SLC25A21: variants seen among roughly 807,000 people sequenced by gnomAD.
SLC25A21 encodes mitochondrial 2-oxodicarboxylate carrier.
SLC25A21 carries 47 observed loss-of-function variants against 43.8 expected under a neutral mutation model. That is an observed-to-expected ratio of 1.07 (90% CI 0.85 to 1.37). The LOEUF is 1.37. Among genes scored for constraint, SLC25A21 ranks in the 40% most tolerant of loss-of-function variants. The pLI, the probability that SLC25A21 is intolerant of heterozygous loss-of-function variation, is 0.00. For synonymous variants in SLC25A21, 131 were observed against 121.3 expected (o/e 1.08, Z -0.52); for missense variants, 352 against 350.2 (o/e 1.00, Z -0.04).
intron 1 of SLC25A21, among the ~76,000 whole-genome samples, chr14:36,896,700 T>C (rs1307133598): frequency 6.6e-6 from 1 of 152,202 alleles, no homozygotes; most frequent in East Asian, 1.9e-4. Context: ...CCATGTTTAG[T>C]ACTTCCTTCA....
chr14:37,125,578 C>A (rs1963283217), intron 1 of SLC25A21, among the ~76,000 whole-genome samples: 1 of 152,126 alleles, frequency 6.6e-6, no homozygotes, highest in South Asian at 2.1e-4. Context: ...TCTCTGACTT[C>A]CCTTGTTTTT....
At chr14:37,082,982 G>A (rs751642600) in intron 1 of SLC25A21, among the ~76,000 whole-genome samples, 6 of 152,138 alleles carry the variant, frequency 3.9e-5, no homozygotes, top group Non-Finnish European at 7.3e-5. Flanking sequence ...TAGTATTATT[G>A]TCTAAAGTTC....
Position 36,711,457 on chromosome 14 carries a change from C to G in SLC25A21, c.464G>C (p.Arg155Thr). ...AEQPSTVGYA[R>T]QIIKKEGWGL... ...CCAGCCTTCCTTCTTAATGATTTGT[C>G]TTGCATAACCCACAGTGGATGGTTG... The change falls in exon 7 of 10, where the codon AGA (arginine) becomes ACA (threonine). Residue 155 changes from arginine to threonine, a missense_variant. Arg to Thr is a moderately conservative substitution (Grantham distance 71, BLOSUM62 -1). Coordinates refer to ENST00000331299, the MANE Select transcript of SLC25A21 (RefSeq NM_030631.4). 1 of 1,614,062 alleles carries G rather than the reference C, an allele frequency of 6.2e-7. No homozygotes were observed. Among genetic ancestry groups the G allele is most frequent in the Non-Finnish European group, 8.5e-7 (1 of 1,179,996 alleles).
intron 9 of SLC25A21, 106 bp from the exon 10 acceptor site, chr14:36,680,825 G>T: frequency 1.1e-6 from 1 of 939,516 alleles, no homozygotes; most frequent in Non-Finnish European, 1.6e-6. Flanking sequence ...GTCAGGCAGA[G>T]GCTGTTCGGA....
intron 1 of SLC25A21, among the ~76,000 whole-genome samples, chr14:36,938,428 T>C (rs1037833198): frequency 1.3e-5 from 2 of 152,052 alleles, no homozygotes; most frequent in Non-Finnish European, 2.9e-5. Context: ...TAGGGCAAAG[T>C]TCTGTTTGAG....
intron 3 of SLC25A21, among the ~76,000 whole-genome samples, chr14:36,786,920 G>A (rs912763501): frequency 6.6e-6 from 1 of 152,124 alleles, no homozygotes; most frequent in Admixed American, 6.5e-5. Flanking sequence ...TGGAGGTGAG[G>A]CCCCTCACCT....
chr14:36,884,265 C>A (rs2138572607), intron 1 of SLC25A21, among the ~76,000 whole-genome samples: 1 of 152,298 alleles, frequency 6.6e-6, no homozygotes, highest in East Asian at 1.9e-4. Context: ...GCTTATTTCA[C>A]TTAGCATGAC....
intron 1 of SLC25A21, among the ~76,000 whole-genome samples, chr14:36,912,854 C>T (rs1005325944): frequency 6.6e-6 from 1 of 152,128 alleles, no homozygotes; most frequent in African/African-American, 2.4e-5. Context: ...TTCTACCAAC[C>T]TGTCTAACTT....
chr14:36,920,734 C>A (rs1891958018), intron 1 of SLC25A21, among the ~76,000 whole-genome samples: 1 of 152,006 alleles, frequency 6.6e-6, no homozygotes, highest in Admixed American at 6.6e-5. Flanking sequence ...TAACTGCCTG[C>A]AAAACAAACT....
At chr14:37,157,268 C>T (rs1311861796) in intron 1 of SLC25A21, among the ~76,000 whole-genome samples, 1 of 151,728 alleles carries the variant, frequency 6.6e-6, no homozygotes, top group Admixed American at 6.6e-5. Context: ...GGCTGAGGCA[C>T]GAGAATTGCT....
At chr14:36,924,888 A>G (rs1255122525) in intron 1 of SLC25A21, among the ~76,000 whole-genome samples, 1 of 152,090 alleles carries the variant, frequency 6.6e-6, no homozygotes, top group African/African-American at 2.4e-5. Flanking sequence ...GCTATTTTAT[A>G]TAAGGGACTT....
At chr14:36,902,477 T>A (rs1241118435) in intron 1 of SLC25A21, among the ~76,000 whole-genome samples, 1 of 152,038 alleles carries the variant, frequency 6.6e-6, no homozygotes, top group Admixed American at 6.6e-5. Flanking sequence ...ACTCTGAAAA[T>A]CTGGGTTTGA....
chr14:37,097,037 T>TTG (rs2138858322), intron 1 of SLC25A21: 1 of 149,186 alleles, frequency 6.7e-6, no homozygotes, highest in African/African-American at 2.6e-5. Context: ...TTGTTTTTTT[T>TTG]TTTTGTTTTT....
At chr14:36,846,239 T>C (rs1024442028) in intron 2 of SLC25A21, among the ~76,000 whole-genome samples, 3 of 152,294 alleles carry the variant, frequency 2.0e-5, no homozygotes, top group African/African-American at 7.2e-5. Context: ...TGAGATAGCC[T>C]TGACTAACTC....
chr14:36,847,103 A>G (rs1384416514), intron 2 of SLC25A21, among the ~76,000 whole-genome samples: 2 of 152,224 alleles, frequency 1.3e-5, no homozygotes, highest in South Asian at 2.1e-4. Context: ...GTCTTTTGTA[A>G]CATACATGAT....
chr14:36,739,603 G>C (rs532114815), intron 3 of SLC25A21, among the ~76,000 whole-genome samples: 1 of 151,712 alleles, frequency 6.6e-6, no homozygotes, highest in African/African-American at 2.4e-5. Flanking sequence ...GCTTGAACCC[G>C]GGAGGTGGAG....
At chr14:36,682,082 T>C (rs570050234) in intron 9 of SLC25A21, among the ~76,000 whole-genome samples, 2 of 152,326 alleles carry the variant, frequency 1.3e-5, no homozygotes, top group East Asian at 3.9e-4. Context: ...CTAAGGCTAT[T>C]GTAAAAATGC....
At chr14:36,813,857 G>A (rs1014992806) in intron 3 of SLC25A21, 61 bp downstream of exon 3, 14 of 1,234,664 alleles carry the variant, frequency 1.1e-5, no homozygotes, top group South Asian at 5.3e-5. Flanking sequence ...TAAACCATTC[G>A]AAATGAGAAA....
intron 3 of SLC25A21, among the ~76,000 whole-genome samples, chr14:36,774,746 G>A (rs956441459): frequency 1.3e-5 from 2 of 151,982 alleles, no homozygotes; most frequent in African/African-American, 4.8e-5. Context: ...GTTATTTTTT[G>A]TAGAGAACAA....
Sources: allele counts gnomAD v4.1 joint callset (sites outside exome capture counted in the v4.1 genomes callset), GRCh38; gene constraint gnomAD v4.1.1; transcripts MANE v1.5; gene names NCBI Gene and HGNC (gene_info 2026-07-23, HGNC 2026-07-21).